The following TESK2 variants were observed in gnomAD, a reference collection of about 807,000 sequenced individuals.
The protein encoded by TESK2 is dual specificity testis-specific protein kinase 2.
TESK2 carries 39 observed loss-of-function variants against 57.1 expected under a neutral mutation model. That is an observed-to-expected ratio of 0.68 (90% CI 0.53 to 0.89). The LOEUF (loss-of-function observed/expected upper bound fraction) is 0.89, where lower values mean the gene tolerates loss of function less well. TESK2 is among the 40% of genes least tolerant of loss of function. The probability of loss-of-function intolerance (pLI) is 0.00; values close to 1 mark genes in which losing one functional copy is unlikely to be tolerated. For missense variants in TESK2, 646 were observed against 732.1 expected (o/e 0.88, Z 1.36); for synonymous variants, 249 against 267.9 (o/e 0.93, Z 0.69).
intron 2 of TESK2, among the ~76,000 whole-genome samples, chr1:45,432,692 A>G (rs980592166): frequency 2.7e-5 from 4 of 149,972 alleles, no homozygotes; most frequent in South Asian, 2.1e-4. Flanking sequence ...CTCCGTCTCA[A>G]AAAAAAAAGA....
intron 1 of TESK2, among the ~76,000 whole-genome samples, chr1:45,484,133 A>G (rs765832770): frequency 1.7e-3 from 186 of 106,478 alleles, no homozygotes; most frequent in Middle Eastern, 9.3e-3. Flanking sequence ...TTTGAGATGG[A>G]GTCTCCCTCT....
chr1:45,411,937 T>C (rs760791113), intron 3 of TESK2, among the ~76,000 whole-genome samples: 1 of 152,192 alleles, frequency 6.6e-6, no homozygotes. Flanking sequence ...ATTATAGGTG[T>C]AAGCCACCAT....
intron 1 of TESK2, among the ~76,000 whole-genome samples, chr1:45,474,984 G>A (rs1331076585): frequency 6.7e-6 from 1 of 149,682 alleles, no homozygotes; most frequent in African/African-American, 2.5e-5. Context: ...ATATGAGAAG[G>A]CCTGAAAAGG....
chr1:45,455,885 T>C (rs953043429), intron 2 of TESK2, among the ~76,000 whole-genome samples: 1 of 151,938 alleles, frequency 6.6e-6, no homozygotes, highest in Non-Finnish European at 1.5e-5. Flanking sequence ...TGGGAAAGTA[T>C]ACCTATTAAT....
chr1:45,439,770 C>A (rs1557574461), intron 2 of TESK2, among the ~76,000 whole-genome samples: 2 of 152,038 alleles, frequency 1.3e-5, no homozygotes. Context: ...GGCTGGGCAG[C>A]ATAGCAAGAC....
intron 4 of TESK2, chr1:45,385,444 G>A: frequency 1.8e-6 from 1 of 569,038 alleles, no homozygotes; most frequent in Non-Finnish European, 2.2e-6. Context: ...CCACAGCAGG[G>A]ACTGTGGAAT....
intron 2 of TESK2, among the ~76,000 whole-genome samples, chr1:45,446,375 C>G (rs1345467280): frequency 1.3e-5 from 2 of 151,930 alleles, no homozygotes; most frequent in Admixed American, 1.3e-4. Flanking sequence ...GCAGGAGGAT[C>G]CCTTGAGCCA....
intron 2 of TESK2, among the ~76,000 whole-genome samples, chr1:45,436,239 C>CAGTG (rs1051248131): frequency 7.8e-6 from 1 of 128,078 alleles, no homozygotes; most frequent in African/African-American, 3.0e-5. Context: ...GGCTGGAGTG[C>CAGTG]AGTGGCGTGA....
chr1:45,355,171 G>C (rs772566260), intron 5 of TESK2, 132 bp downstream of exon 5: 89 of 1,139,992 alleles, frequency 7.8e-5, no homozygotes, highest in Non-Finnish European at 1.1e-4. Context: ...AAAGATGTAG[G>C]CTTTCTAAGG....
At chr1:45,431,882 C>T (rs569720831) in intron 2 of TESK2, among the ~76,000 whole-genome samples, 96 of 152,114 alleles carry the variant, frequency 6.3e-4, no homozygotes, top group Non-Finnish European at 1.1e-3. Context: ...GGCTCAAGGC[C>T]TGGTGGGTAC....
At chr1:45,397,985 G>T (rs573083256) in intron 3 of TESK2, among the ~76,000 whole-genome samples, 11 of 152,200 alleles carry the variant, frequency 7.2e-5, no homozygotes, top group African/African-American at 2.2e-4. Flanking sequence ...ATAGCTAACT[G>T]CAGCCTTGAA....
At chr1:45,415,322 T>C (rs756056917) in intron 3 of TESK2, 11 of 1,123,234 alleles carry the variant, frequency 9.8e-6, no homozygotes, top group African/African-American at 3.1e-5. Flanking sequence ...GAGATCACCA[T>C]TGCTGACTGT....
At chr1:45,460,727 C>T (rs1652300007) in intron 1 of TESK2, among the ~76,000 whole-genome samples, 1 of 151,786 alleles carries the variant, frequency 6.6e-6, no homozygotes, top group South Asian at 2.1e-4. Context: ...CAGTTCAAGA[C>T]CAGACTAGGC....
chr1:45,415,766 G>T (rs527641771), intron 3 of TESK2, among the ~76,000 whole-genome samples: 1 of 152,092 alleles, frequency 6.6e-6, no homozygotes, highest in African/African-American at 2.4e-5. Context: ...GAAAACTAAG[G>T]CTTAGAGAGG....
At chr1:45,366,984 A>C (rs1008640967) in intron 4 of TESK2, among the ~76,000 whole-genome samples, 6 of 151,962 alleles carry the variant, frequency 3.9e-5, no homozygotes, top group South Asian at 2.1e-4. Context: ...AAATACAAAA[A>C]TTAGCTGGGC....
At chr1:45,411,156 T>A (rs1650026579) in intron 3 of TESK2, among the ~76,000 whole-genome samples, 1 of 152,226 alleles carries the variant, frequency 6.6e-6, no homozygotes, top group Non-Finnish European at 1.5e-5. Context: ...CAACTGCTCC[T>A]ATAGATAACA....
At chr1:45,361,962 A>AC (rs1174260679) in intron 4 of TESK2, among the ~76,000 whole-genome samples, 1 of 151,966 alleles carries the variant, frequency 6.6e-6, no homozygotes, top group African/African-American at 2.4e-5. Flanking sequence ...ACATAGCAAG[A>AC]CCCCCACTCA....
At chr1:45,352,905 CT>C (rs1417214556) in intron 5 of TESK2, among the ~76,000 whole-genome samples, 12 of 144,382 alleles carry the variant, frequency 8.3e-5, no homozygotes, top group Middle Eastern at 3.5e-3. Context: ...TTTTTTTTTT[CT>C]TTTTTTTTTC....
chr1:45,457,438 G>A, intron 2 of TESK2, 126 bp downstream of exon 2: 1 of 797,252 alleles, frequency 1.3e-6, no homozygotes, highest in South Asian at 1.7e-5. Context: ...GGAGAATTTA[G>A]AACAGTGTTC....
Sources: gnomAD v4.1 joint callset for allele counts (sites outside exome capture counted in the v4.1 genomes callset) on GRCh38, gnomAD v4.1.1 for gene constraint, MANE v1.5 for transcripts, NCBI Gene and HGNC (gene_info 2026-07-23, HGNC 2026-07-21) for gene names.